PXDNL: variants seen among roughly 807,000 people sequenced by gnomAD.
PXDNL encodes peroxidasin like.
In PXDNL, 145 loss-of-function variants were observed where a neutral mutation model predicts 150.8. That is an observed-to-expected ratio of 0.96 (90% CI 0.84 to 1.10). The LOEUF is 1.10. Among genes scored for constraint, PXDNL ranks in the 50% least tolerant of loss-of-function variants. The pLI, the probability that PXDNL is intolerant of heterozygous loss-of-function variation, is 0.00. For synonymous variants in PXDNL, 757 were observed against 725.7 expected, an observed-to-expected ratio of 1.04 and a Z score of -0.69; for missense variants, 2,087 against 1,873.9, an observed-to-expected ratio of 1.11 and a Z score of -2.10.
intron 19 of PXDNL, among the ~76,000 whole-genome samples, chr8:51,357,310 C>T (rs994907695): frequency 1.2e-4 from 18 of 152,194 alleles, no homozygotes; most frequent in East Asian, 7.7e-4. Context: ...ACAGAAGCAG[C>T]ACAGAACTCC....
At chr8:51,654,334 T>C (rs1260905232) in intron 2 of PXDNL, among the ~76,000 whole-genome samples, 1 of 152,238 alleles carries the variant, frequency 6.6e-6, no homozygotes, top group Admixed American at 6.5e-5. Flanking sequence ...GAGTAGAGCA[T>C]GGGCTTTGCA....
chr8:51,731,348 G>T (rs1420935664), intron 1 of PXDNL, among the ~76,000 whole-genome samples: 1 of 152,202 alleles, frequency 6.6e-6, no homozygotes, highest in East Asian at 1.9e-4. Flanking sequence ...GATCTCCATT[G>T]ACTCCATGTC....
At position 51,527,717 on chromosome 8, in the gene PXDNL, A is replaced by T. The variant is rs141525567; in HGVS notation, c.381-27947T>A. Among the ~76,000 whole-genome samples, 393 of 152,300 alleles carry T rather than the reference A, an allele frequency of 2.6e-3. 2 individuals are homozygous for T. The highest frequency in any genetic ancestry group is 8.9e-3 in the African/African-American group (371 of 41,568). ...CTTATAACCTACATGTAGGAGAGAG[A>T]ACCATCTGCAGGAGTGTGAAGGAAG... On this transcript the variant is annotated intron_variant, in intron 4 of 22. Transcript: ENST00000356297.
chr8:51,632,124 G>A (rs1027114829), intron 2 of PXDNL, among the ~76,000 whole-genome samples: 5 of 151,688 alleles, frequency 3.3e-5, no homozygotes, highest in Admixed American at 6.6e-5. Context: ...AAACAACAGG[G>A]CCCCAAATTA....
chr8:51,573,442 A>AT (rs1243394875), intron 3 of PXDNL, among the ~76,000 whole-genome samples: 3 of 152,020 alleles, frequency 2.0e-5, no homozygotes, highest in Non-Finnish European at 2.9e-5. Flanking sequence ...GATAGTCAGT[A>AT]TTTTAACTAA....
At chr8:51,369,715 T>G (rs918943284) in intron 19 of PXDNL, among the ~76,000 whole-genome samples, 3 of 152,068 alleles carry the variant, frequency 2.0e-5, no homozygotes, top group African/African-American at 7.2e-5. Context: ...GCTGGCTTAT[T>G]AATTTTCAGA....
chr8:51,326,473 G>A (rs1805494006), intron 21 of PXDNL, among the ~76,000 whole-genome samples: 1 of 152,170 alleles, frequency 6.6e-6, no homozygotes, highest in African/African-American at 2.4e-5. Flanking sequence ...ATTCTAGCCT[G>A]GGTGAGTGAG....
intron 20 of PXDNL, among the ~76,000 whole-genome samples, chr8:51,341,699 C>A (rs918576756): frequency 1.3e-5 from 2 of 152,206 alleles, no homozygotes; most frequent in African/African-American, 4.8e-5. Flanking sequence ...CTCATATAAA[C>A]AGAATCATGC....
intron 8 of PXDNL, among the ~76,000 whole-genome samples, chr8:51,459,939 A>G (rs893868400): frequency 1.4e-4 from 22 of 152,154 alleles, no homozygotes; most frequent in African/African-American, 5.1e-4. Flanking sequence ...ACAAGTTATC[A>G]CCACACAAAT....
chr8:51,353,078 C>A (rs374453966), intron 19 of PXDNL, among the ~76,000 whole-genome samples: 1 of 151,886 alleles, frequency 6.6e-6, no homozygotes, highest in East Asian at 1.9e-4. Context: ...CAATCTTCTT[C>A]TAATTTTCAA....
intron 2 of PXDNL, among the ~76,000 whole-genome samples, chr8:51,597,152 T>C (rs1430307564): frequency 6.6e-6 from 1 of 152,202 alleles, no homozygotes; most frequent in African/African-American, 2.4e-5. Flanking sequence ...CACCATTTAT[T>C]GAATAGGGAG....
intron 1 of PXDNL, among the ~76,000 whole-genome samples, chr8:51,740,234 T>C (rs183139057): frequency 1.1e-3 from 161 of 152,316 alleles, no homozygotes; most frequent in Non-Finnish European, 2.0e-3. Context: ...TGTGATTGGT[T>C]ATAGTGATTG....
intron 1 of PXDNL, among the ~76,000 whole-genome samples, chr8:51,661,259 A>G (rs1185212759): frequency 6.6e-6 from 1 of 152,140 alleles, no homozygotes; most frequent in Non-Finnish European, 1.5e-5. Context: ...CCCAGCTGCC[A>G]GAGCTTGAGG....
At chr8:51,407,839 G>A (rs1045719243) in intron 17 of PXDNL, among the ~76,000 whole-genome samples, 1 of 152,078 alleles carries the variant, frequency 6.6e-6, no homozygotes, top group Non-Finnish European at 1.5e-5. Context: ...AAGTTAATAG[G>A]AGGCAGCAAT....
intron 13 of PXDNL, among the ~76,000 whole-genome samples, chr8:51,426,374 T>C (rs2392900): frequency 0.74 from 111,751 of 151,960 alleles, 42,589 homozygotes; most frequent in Non-Finnish European, 0.84. Context: ...CCAATTTTCC[T>C]TAGAGGAATT....
At chr8:51,526,044 GT>G (rs549694446) in intron 4 of PXDNL, among the ~76,000 whole-genome samples, 74 of 152,292 alleles carry the variant, frequency 4.9e-4, no homozygotes, top group Admixed American at 3.2e-3. Context: ...TGCATGTATA[GT>G]TTTTTCCCCC....
rs1809743665 is a variant in PXDNL, at chr8:51,448,948, C to T, written c.1366+54G>A. 3.8e-5 allele frequency: 33 copies of T among 866,380 alleles called. No individual in the cohort carries two copies. In the South Asian group the frequency reaches 4.7e-4, roughly 12 times the overall value. 53.7% of individuals were successfully genotyped at this position (866,380 alleles called of 1,614,324 possible). ...AATTTAAACTATTTTTTTTTACTAT[C>T]CACAAAAGAAGGCACTTATTTTTCC... On this transcript the variant is annotated intron_variant, in intron 11 of 22. Coordinates refer to ENST00000356297, the MANE Select transcript of PXDNL (RefSeq NM_144651.5).
intron 1 of PXDNL, among the ~76,000 whole-genome samples, chr8:51,658,225 G>A (rs965057711): frequency 6.6e-6 from 1 of 151,506 alleles, no homozygotes; most frequent in African/African-American, 2.4e-5. Flanking sequence ...ACCTGTGGTT[G>A]TAGCTACTCA....
intron 1 of PXDNL, among the ~76,000 whole-genome samples, chr8:51,668,176 C>CTTTTTTTT (rs71550279): frequency 0.041 from 3,145 of 77,000 alleles, 653 homozygotes; most frequent in East Asian, 0.19. Context: ...CTCGCTCTCT[C>CTTTTTTTT]TTTTTTTTTT....
Sources: allele counts gnomAD v4.1 joint callset (sites outside exome capture counted in the v4.1 genomes callset), GRCh38; gene constraint gnomAD v4.1.1; transcripts MANE v1.5; gene names NCBI Gene and HGNC (gene_info 2026-07-23, HGNC 2026-07-21).